SPATA16: variants seen among roughly 807,000 people sequenced by gnomAD.
SPATA16 encodes the protein spermatogenesis associated 16.
SPATA16 carries 36 observed loss-of-function variants against 63.3 expected under a neutral mutation model. That is an observed-to-expected ratio of 0.57 (90% CI 0.44 to 0.75). The LOEUF is 0.75. Among genes scored for constraint, SPATA16 ranks in the 30% least tolerant of loss-of-function variants. The pLI is 0.00. For missense variants in SPATA16, 646 were observed against 679.3 expected (o/e 0.95, Z 0.54); for synonymous variants, 203 against 216.7 (o/e 0.94, Z 0.56).
At chr3:173,086,817 G>T (rs917060267) in intron 2 of SPATA16, among the ~76,000 whole-genome samples, 11 of 152,116 alleles carry the variant, frequency 7.2e-5, no homozygotes, top group African/African-American at 2.7e-4. Flanking sequence ...GGAGCAGGTT[G>T]TTCAATTTCC....
chr3:172,977,568 G>T (rs1158143053), intron 4 of SPATA16, among the ~76,000 whole-genome samples: 1 of 152,102 alleles, frequency 6.6e-6, no homozygotes, highest in African/African-American at 2.4e-5. Flanking sequence ...TCTCCCCACA[G>T]ATTTTTGTGT....
At chr3:173,129,587 TA>T (rs946251970) in intron 1 of SPATA16, among the ~76,000 whole-genome samples, 1 of 151,350 alleles carries the variant, frequency 6.6e-6, no homozygotes, top group Non-Finnish European at 1.5e-5. Context: ...TATATATACT[TA>T]TATATAATAT....
chr3:172,964,098 A>G (rs1193643466), intron 5 of SPATA16, among the ~76,000 whole-genome samples: 2 of 152,172 alleles, frequency 1.3e-5, no homozygotes, highest in African/African-American at 4.8e-5. Flanking sequence ...ATTCTAACAC[A>G]AAATGGAATA....
At chr3:172,978,759 G>A (rs1041438102) in intron 4 of SPATA16, among the ~76,000 whole-genome samples, 1 of 152,218 alleles carries the variant, frequency 6.6e-6, no homozygotes. Context: ...TGTGGGCCAT[G>A]TGGTTTAACA....
intron 4 of SPATA16, among the ~76,000 whole-genome samples, chr3:173,004,432 C>CA (rs76567834): frequency 0.071 from 7,321 of 103,816 alleles, 493 homozygotes; most frequent in African/African-American, 0.19. Flanking sequence ...ATACCATATA[C>CA]AAAAAAAAAA....
At chr3:172,960,954 CCTCT>C (rs371690526) in intron 5 of SPATA16, among the ~76,000 whole-genome samples, 13 of 142,498 alleles carry the variant, frequency 9.1e-5, no homozygotes, top group East Asian at 2.1e-4. Flanking sequence ...TTCCCCCCTC[CCTCT>C]CTCTCTCTCT....
At chr3:172,985,717 A>T (rs1426983305) in intron 4 of SPATA16, among the ~76,000 whole-genome samples, 7 of 152,104 alleles carry the variant, frequency 4.6e-5, no homozygotes, top group African/African-American at 7.2e-5. Flanking sequence ...CAGGTTTTTT[A>T]TTTGGTTGGG....
chr3:173,124,769 A>G (rs943201675), intron 1 of SPATA16, among the ~76,000 whole-genome samples: 1 of 151,878 alleles, frequency 6.6e-6, no homozygotes, highest in Non-Finnish European at 1.5e-5. Flanking sequence ...TGCTCTTCCA[A>G]TTTTCCAATT....
chr3:173,035,973 T>A (rs554709576), intron 3 of SPATA16, among the ~76,000 whole-genome samples: 18 of 148,618 alleles, frequency 1.2e-4, no homozygotes, highest in Admixed American at 2.7e-4. Context: ...TTTTTTTTTT[T>A]AATAAATTTC....
At chr3:172,960,898 C>A (rs1054396090) in intron 5 of SPATA16, among the ~76,000 whole-genome samples, 1 of 108,974 alleles carries the variant, frequency 9.2e-6, no homozygotes, top group East Asian at 2.9e-4. Flanking sequence ...TCTCTCCTTC[C>A]TTCCTTCCTC....
chr3:173,116,127 A>G (rs1299291795), intron 2 of SPATA16, among the ~76,000 whole-genome samples: 2 of 152,136 alleles, frequency 1.3e-5, no homozygotes. Flanking sequence ...TCTGGCCTCA[A>G]GTGATCCTTT....
chr3:173,138,554 A>T (rs1318983836), intron 1 of SPATA16, among the ~76,000 whole-genome samples: 2 of 152,226 alleles, frequency 1.3e-5, no homozygotes, highest in African/African-American at 4.8e-5. Context: ...TATTTAGGTA[A>T]ATCTAAAATA....
At chr3:173,081,531 G>A (rs1459508107) in intron 2 of SPATA16, among the ~76,000 whole-genome samples, 1 of 152,128 alleles carries the variant, frequency 6.6e-6, no homozygotes, top group Non-Finnish European at 1.5e-5. Context: ...CGTTAAAGAG[G>A]AGAGTTTGTG....
At chr3:172,952,938 C>CA (rs60404306) in intron 6 of SPATA16, among the ~76,000 whole-genome samples, 6,486 of 77,468 alleles carry the variant, frequency 0.084, 325 homozygotes, top group African/African-American at 0.1. Flanking sequence ...GACTCCATCT[C>CA]AAAAAAAAAA....
intron 2 of SPATA16, among the ~76,000 whole-genome samples, chr3:173,079,471 C>T (rs1736878754): frequency 6.6e-6 from 1 of 152,072 alleles, no homozygotes; most frequent in South Asian, 2.1e-4. Context: ...CAGAGGGTTA[C>T]ATAAATTGTA....
intron 2 of SPATA16, among the ~76,000 whole-genome samples, 198 bp from the exon 3 acceptor site, chr3:173,049,292 T>G (rs774706133): frequency 6.6e-6 from 1 of 151,964 alleles, no homozygotes; most frequent in Non-Finnish European, 1.5e-5. Flanking sequence ...ATAAATTAAA[T>G]AAATTGTTCC....
intron 8 of SPATA16, 115 bp downstream of exon 8, chr3:172,924,093 A>G (rs1399937127): frequency 9.6e-6 from 8 of 837,502 alleles, no homozygotes; most frequent in Non-Finnish European, 1.9e-6. Context: ...GAGATTTACT[A>G]TGAACGTTTC....
chr3:172,960,012 A>T (rs912788885), intron 5 of SPATA16, among the ~76,000 whole-genome samples: 1 of 151,746 alleles, frequency 6.6e-6, no homozygotes, highest in Non-Finnish European at 1.5e-5. Context: ...AAAGAGTCTA[A>T]TATGTGTAAA....
chr3:173,085,646 G>GT (rs1287386328), intron 2 of SPATA16, among the ~76,000 whole-genome samples: 1 of 152,052 alleles, frequency 6.6e-6, no homozygotes, highest in African/African-American at 2.4e-5. Context: ...GATATTTGCT[G>GT]TAAGTTTGTC....
Sources: gnomAD v4.1 joint callset for allele counts (sites outside exome capture counted in the v4.1 genomes callset) on GRCh38, gnomAD v4.1.1 for gene constraint, MANE v1.5 for transcripts, NCBI Gene and HGNC (gene_info 2026-07-23, HGNC 2026-07-21) for gene names.